Variants in GPR39 observed in about 807,000 individuals in gnomAD.
The protein encoded by GPR39 is G protein-coupled receptor 39.
GPR39 carries 23 observed loss-of-function variants against 18.4 expected under a neutral mutation model. That is an observed-to-expected ratio of 1.25 (90% confidence interval 0.90 to 1.77). The LOEUF (loss-of-function observed/expected upper bound fraction) is 1.77. Ranked by LOEUF, GPR39 falls within the 40% of genes most tolerant of loss-of-function variation. The probability of loss-of-function intolerance (pLI) is 0.00; values close to 1 mark genes in which losing one functional copy is unlikely to be tolerated. For missense variants in GPR39, 647 were observed against 602.4 expected (o/e 1.07, Z -0.78); for synonymous variants, 280 against 257.9 (o/e 1.09, Z -0.82).
chr2:132,532,066 T>G (rs888803726), intron 1 of GPR39, among the ~76,000 whole-genome samples: 2 of 152,046 alleles, frequency 1.3e-5, no homozygotes, highest in Admixed American at 1.3e-4. Flanking sequence ...CAGGAGCTGG[T>G]TTTTTGAAAG....
chr2:132,452,136 G>A (rs996077643), intron 1 of GPR39, among the ~76,000 whole-genome samples: 1 of 152,134 alleles, frequency 6.6e-6, no homozygotes, highest in Admixed American at 6.5e-5. Flanking sequence ...TGATACAATG[G>A]TAAAGTCTGA....
intron 1 of GPR39, among the ~76,000 whole-genome samples, chr2:132,557,497 T>TG (rs1321281275): frequency 1.3e-5 from 2 of 151,604 alleles, no homozygotes; most frequent in African/African-American, 2.4e-5. Context: ...TGCCAGAGAG[T>TG]GGGTCATTTG....
chr2:132,450,955 T>G (rs1347501235), intron 1 of GPR39, among the ~76,000 whole-genome samples: 1 of 152,236 alleles, frequency 6.6e-6, no homozygotes, highest in East Asian at 1.9e-4. Flanking sequence ...TGACTTTTGC[T>G]GATTTTCAGC....
Position 132,417,474 on chromosome 2 carries a change from G to A in GPR39, c.432G>A (p.Lys144=). The change falls in exon 1 of 2, where the codon AAG becomes AAA. Residue 144 remains lysine, a synonymous_variant. Coordinates refer to ENST00000329321, the MANE Select transcript of GPR39 (RefSeq NM_001508.3). ...CCATCTGTCACCCCTTCAGGTACAA[G>A]GCTGTGTCGGGACCTTGCCAGGTGA... is the stretch of plus-strand genomic sequence containing the variant. The part of the protein sequence containing the change: ...YIAICHPFRY[K]AVSGPCQVKL... 1 of 1,614,178 alleles carries A rather than the reference G, an allele frequency of 6.2e-7. No homozygotes were observed. Among genetic ancestry groups the A allele is most frequent in the Non-Finnish European group, 8.5e-7 (1 of 1,180,026 alleles).
intron 1 of GPR39, among the ~76,000 whole-genome samples, chr2:132,578,372 A>T: frequency 6.6e-6 from 1 of 152,118 alleles, no homozygotes. Context: ...TGGTGTTAGC[A>T]TAAAACCAAC....
intron 1 of GPR39, among the ~76,000 whole-genome samples, chr2:132,523,222 TA>T (rs746247102): frequency 6.6e-5 from 10 of 152,194 alleles, no homozygotes; most frequent in Non-Finnish European, 1.0e-4. Flanking sequence ...CATTAAGAAC[TA>T]AGAACATTAA....
At chr2:132,603,725 G>A (rs1460212408) in intron 1 of GPR39, among the ~76,000 whole-genome samples, 1 of 152,150 alleles carries the variant, frequency 6.6e-6, no homozygotes, top group African/African-American at 2.4e-5. Flanking sequence ...TGTGCGAAAT[G>A]GGTTACTAAA....
chr2:132,624,927 C>G (rs1014206342), intron 1 of GPR39, among the ~76,000 whole-genome samples: 6 of 152,184 alleles, frequency 3.9e-5, no homozygotes, highest in African/African-American at 1.4e-4. Flanking sequence ...TTACCCTTTT[C>G]TCTTTGCATA....
chr2:132,624,137 A>G (rs1681498765), intron 1 of GPR39, among the ~76,000 whole-genome samples: 1 of 152,228 alleles, frequency 6.6e-6, no homozygotes, highest in Non-Finnish European at 1.5e-5. Context: ...CTAAAAGTCT[A>G]AGATCAAGGT....
chr2:132,461,556 G>A (rs1680832003), intron 1 of GPR39, among the ~76,000 whole-genome samples: 1 of 152,188 alleles, frequency 6.6e-6, no homozygotes, highest in South Asian at 2.1e-4. Context: ...ATTTTGGTCT[G>A]TGGGTTTTTG....
At chr2:132,625,747 A>G (rs1681531165) in intron 1 of GPR39, among the ~76,000 whole-genome samples, 1 of 152,160 alleles carries the variant, frequency 6.6e-6, no homozygotes, top group South Asian at 2.1e-4. Flanking sequence ...GTCTGTGATC[A>G]TCTGCCTTAG....
chr2:132,571,844 A>C (rs1486377721), intron 1 of GPR39, among the ~76,000 whole-genome samples: 1 of 152,252 alleles, frequency 6.6e-6, no homozygotes, highest in Non-Finnish European at 1.5e-5. Flanking sequence ...ATTGTGGCAC[A>C]GATGCTAAGT....
In GPR39 at chr2:132,646,283, G is replaced by C. The variant is rs751565839; in HGVS notation, c.*677G>C. On this transcript the variant is annotated 3_prime_UTR_variant, in exon 2 of 2. Coordinates refer to ENST00000329321, the MANE Select transcript of GPR39 (RefSeq NM_001508.3). The stretch of plus-strand genomic sequence containing the variant: ...ACAGGACTTGCGGTACATGATCCCT[G>C]TAACACAGACCCAAAGGAGCTGAGT... 6.7e-7 allele frequency: 1 copy of C among 1,487,278 alleles called. No homozygotes were observed. The highest frequency in any genetic ancestry group is 2.4e-5 in the East Asian group (1 of 40,894). 92.1% of individuals were successfully genotyped at this position (1,487,278 alleles called of 1,614,324 possible). A position where few individuals can be genotyped will look rare whatever the true frequency, so the allele number is the denominator to read the frequency against.
At chr2:132,528,629 C>T (rs1679554173) in intron 1 of GPR39, among the ~76,000 whole-genome samples, 1 of 152,102 alleles carries the variant, frequency 6.6e-6, no homozygotes, top group South Asian at 2.1e-4. Context: ...GTTTGCAGTT[C>T]TCCTTGAAGA....
chr2:132,465,699 G>T (rs1274702147), intron 1 of GPR39, among the ~76,000 whole-genome samples: 1 of 152,180 alleles, frequency 6.6e-6, no homozygotes, highest in Non-Finnish European at 1.5e-5. Context: ...GAAGAGGGTT[G>T]CATAAAACAA....
intron 1 of GPR39, among the ~76,000 whole-genome samples, chr2:132,466,355 C>T (rs566879716): frequency 4.6e-4 from 70 of 152,228 alleles, no homozygotes; most frequent in Admixed American, 1.6e-3. Context: ...CCTATACTTT[C>T]TGGATGATTG....
chr2:132,509,404 C>A (rs146660655), intron 1 of GPR39, among the ~76,000 whole-genome samples: 109 of 151,574 alleles, frequency 7.2e-4, no homozygotes, highest in African/African-American at 2.3e-3. Flanking sequence ...CCATCTGAGT[C>A]CAATGCTAAC....
At chr2:132,522,429 C>T (rs950112118) in intron 1 of GPR39, among the ~76,000 whole-genome samples, 1 of 152,202 alleles carries the variant, frequency 6.6e-6, no homozygotes, top group Non-Finnish European at 1.5e-5. Flanking sequence ...TTGGGAAGAA[C>T]TGAACAATAA....
At chr2:132,531,354 C>A (rs114963760) in intron 1 of GPR39, among the ~76,000 whole-genome samples, 16,033 of 152,200 alleles carry the variant, frequency 0.11, 1,002 homozygotes, top group South Asian at 0.23. Context: ...ATTCATAGAG[C>A]AAGTCCTTAG....
Sources: allele counts gnomAD v4.1 joint callset (sites outside exome capture counted in the v4.1 genomes callset), GRCh38; gene constraint gnomAD v4.1.1; transcripts MANE v1.5; gene names NCBI Gene and HGNC (gene_info 2026-07-23, HGNC 2026-07-21).